Variants in RPL11 observed in about 807,000 individuals in gnomAD.
The protein encoded by RPL11 is ribosomal protein L11, also known as large ribosomal subunit protein uL5.
RPL11 carries 3 observed loss-of-function variants against 24.1 expected under a neutral mutation model. The observed-to-expected ratio is 0.12, with a 90% CI of 0.06 to 0.32. RPL11 has a LOEUF of 0.32. Among genes scored for constraint, RPL11 ranks in the 10% least tolerant of loss-of-function variants. The pLI is 1.00. For missense variants in RPL11, 146 were observed against 225.7 expected (o/e 0.65, Z 2.26); for synonymous variants, 96 against 75.7 (o/e 1.27, Z -1.39).
At chr1:23,692,421 G>C (rs912758205) in intron 1 of RPL11, 188 bp from the exon 2 acceptor site, 2 of 649,712 alleles carry the variant, frequency 3.1e-6, no homozygotes, top group Non-Finnish European at 5.3e-6. Flanking sequence ...CGTTCCGTTC[G>C]TGGAGGAAGG....
At chr1:23,691,890 C>G (rs1312062210) in intron 1 of RPL11, 61 bp downstream of exon 1, 9 of 1,611,236 alleles carry the variant, frequency 5.6e-6, no homozygotes, top group African/African-American at 2.7e-5. Context: ...GCAGGCCGAG[C>G]CTGCGGGGGC....
In RPL11 at chr1:23,694,695, A is replaced by C. The variant is rs372622822; in HGVS notation, c.300A>C (p.Ser100=). 6.2e-6 allele frequency: 10 copies of C among 1,614,012 alleles called. No individual in the cohort carries two copies. In the African/African-American group the frequency reaches 1.2e-4, roughly 19 times the overall value. The part of the protein sequence containing the change: ...REYELRKNNF[S]DTGNFGFGIQ... The stretch of plus-strand genomic sequence containing the variant: ...ATGAGTTAAGAAAAAACAACTTCTC[A>C]GATACTGGAAACTTTGGTTTTGGGA... Residue 100 remains serine (S), a synonymous_variant, in exon 4 of 6, where the codon TCA becomes TCC. Transcript: ENST00000643754.
chr1:23,695,930 T>C (rs1408014180), intron 5 of RPL11, 22 bp downstream of exon 5: 2 of 1,556,424 alleles, frequency 1.3e-6, no homozygotes, highest in Non-Finnish European at 1.7e-6. Flanking sequence ...TTATCTCAAG[T>C]GAAGTGGTGG....
At chr1:23,691,898 G>T (rs865980990) in intron 1 of RPL11, 69 bp downstream of exon 1, 1 of 1,603,564 alleles carries the variant, frequency 6.2e-7, no homozygotes. Flanking sequence ...AGCCTGCGGG[G>T]GCTACTTCGC....
At position 23,692,715 on chromosome 1, in the gene RPL11, A is replaced by G; in HGVS notation, c.113A>G (p.Lys38Arg). 6.2e-7 allele frequency: 1 copy of G among 1,614,044 alleles called. No homozygotes were observed. The highest frequency in any genetic ancestry group is 8.5e-7 in the Non-Finnish European group (1 of 1,180,022). The change falls in exon 2 of 6, where the codon AAG becomes AGG. Residue 38 changes from lysine (K) to arginine (R), a missense_variant. Physicochemically the swap from Lys to Arg is conservative, Grantham distance 26. Coordinates refer to ENST00000643754, the MANE Select transcript of RPL11 (RefSeq NM_000975.5). ...GGAGACAGACTGACGCGAGCAGCCA[A>G]GGTGTTGGAGCAGCTCACAGGGCAG... The part of the protein sequence containing the change: ...ESGDRLTRAA[K>R]VLEQLTGQTP...
At chr1:23,694,235 G>A (rs1003634392) in intron 3 of RPL11, among the ~76,000 whole-genome samples, 1 of 151,980 alleles carries the variant, frequency 6.6e-6, no homozygotes, top group East Asian at 1.9e-4. Flanking sequence ...AAAATTAGCC[G>A]GGCTTGGTGG....
At chr1:23,694,350 C>T (rs1192193217) in intron 3 of RPL11, among the ~76,000 whole-genome samples, 1 of 151,474 alleles carries the variant, frequency 6.6e-6, no homozygotes, top group Admixed American at 6.6e-5. Context: ...TGCACTCCAG[C>T]TTAGGCCACA....
rs1644535102 is a variant in RPL11 at position 23,696,735 on chromosome 1, G to T, written c.*362G>T. On this transcript the variant is annotated 3_prime_UTR_variant, in exon 6 of 6. Transcript: ENST00000643754. ...GTTCCAGGAGGCCCCCTGCTATTCA[G>T]TGATTCTGTTCTGTACTAGAAATTT... The T allele has an allele frequency of 5.2e-6, 2 of 382,100 alleles. No homozygotes were observed. Among genetic ancestry groups the T allele is most frequent in the Non-Finnish European group, 9.9e-6 (2 of 202,668 alleles). 23.7% of individuals were successfully genotyped at this position (382,100 alleles called of 1,614,324 possible).
chr1:23,694,008 T>C (rs772606691), intron 3 of RPL11, 95 bp downstream of exon 3: 44 of 934,358 alleles, frequency 4.7e-5, no homozygotes, highest in Non-Finnish European at 7.4e-5. Flanking sequence ...TTTGGTGTCT[T>C]GATATTTATT....
Position 23,691,994 on chromosome 1 carries a change from C to A in RPL11, c.6+165C>A. On this transcript the variant is annotated intron_variant, in intron 1 of 5. Transcript: ENST00000643754. ...CGAGCCAAGGACGCAGGGTTGAATT[C>A]TGTCACTTTCCCTGCCATCGTTTTA... 4.3e-6 allele frequency: 4 copies of A among 933,508 alleles called. No individual in the cohort carries two copies. The Admixed American group carries it at 5.9e-5, about 14-fold the overall frequency. 57.8% of individuals were successfully genotyped at this position (933,508 alleles called of 1,614,324 possible). A position where few individuals can be genotyped will look rare whatever the true frequency, so the allele number is the denominator to read the frequency against.
chr1:23,696,219 G>GA (rs1644532087), intron 5 of RPL11, 125 bp from the exon 6 acceptor site: 2 of 944,276 alleles, frequency 2.1e-6, no homozygotes, highest in Non-Finnish European at 3.4e-6. Flanking sequence ...ATTTAGTCCA[G>GA]AAAAGGATGG....
chr1:23,694,609 G>T, intron 3 of RPL11, 51 bp from the exon 4 acceptor site: 1 of 1,611,682 alleles, frequency 6.2e-7, no homozygotes, highest in Non-Finnish European at 8.5e-7. Context: ...CTTGGGGGTG[G>T]GAGGGAGTTG....
intron 2 of RPL11, among the ~76,000 whole-genome samples, chr1:23,693,581 G>A (rs1364510663): frequency 1.3e-5 from 2 of 152,212 alleles, no homozygotes; most frequent in African/African-American, 4.8e-5. Flanking sequence ...CGTTATGACT[G>A]TTCTTAACTG....
In RPL11 at chr1:23,692,089, G is replaced by A. The variant is rs965977844; in HGVS notation, c.6+260G>A. 2.0e-5 allele frequency: 12 copies of A among 590,160 alleles called. No individual in the cohort carries two copies. The South Asian group carries it at 2.2e-4, about 11-fold the overall frequency. The allele number at this position is 590,160 out of a possible 1,614,324, so 36.6% of individuals were successfully genotyped here. A position where few individuals can be genotyped will look rare whatever the true frequency, so the allele number is the denominator to read the frequency against. On this transcript the variant is annotated intron_variant, in intron 1 of 5. Coordinates refer to ENST00000643754, the MANE Select transcript of RPL11 (RefSeq NM_000975.5). ...AGGAGGCTGCAGCGGGGGCAGATGG[G>A]GTGAATGGAGGGTTCTGAGGCAGGG...
chr1:23,694,592 A>G (rs2124430843), intron 3 of RPL11, 68 bp from the exon 4 acceptor site: 2 of 1,608,160 alleles, frequency 1.2e-6, no homozygotes, highest in Non-Finnish European at 1.7e-6. Flanking sequence ...TGAGCTATTA[A>G]TAGTTACTTG....
Position 23,692,737 on chromosome 1 carries a change from G to T in RPL11, c.135G>T (p.Gly45=). Residue 45 remains glycine, a synonymous_variant, in exon 2 of 6, where the codon GGG becomes GGT. Coordinates refer to ENST00000643754, the MANE Select transcript of RPL11 (RefSeq NM_000975.5). ...CCAAGGTGTTGGAGCAGCTCACAGG[G>T]CAGACCCCTGTGTTTTCCAAAGGTG... The part of the protein sequence containing the change: ...RAAKVLEQLT[G]QTPVFSKARY... The T allele has an allele frequency of 1.2e-6, 2 of 1,613,892 alleles. No homozygotes were observed. The highest frequency in any genetic ancestry group is 1.7e-6 in the Non-Finnish European group (2 of 1,180,006).
At chr1:23,692,940 GA>G (rs1644510720) in intron 2 of RPL11, among the ~76,000 whole-genome samples, 181 bp downstream of exon 2, 4 of 151,168 alleles carry the variant, frequency 2.6e-5, no homozygotes, top group Non-Finnish European at 5.9e-5. Context: ...TGTGGGATTG[GA>G]ACACTAGATT....
intron 2 of RPL11, 45 bp from the exon 3 acceptor site, chr1:23,693,762 T>C: frequency 1.6e-6 from 2 of 1,289,938 alleles, no homozygotes; most frequent in East Asian, 2.3e-5. Flanking sequence ...GTGAGTGTAG[T>C]GGGGGTATGA....
intron 4 of RPL11, 39 bp from the exon 5 acceptor site, chr1:23,695,759 C>G (rs1301623933): frequency 1.3e-6 from 2 of 1,542,020 alleles, no homozygotes; most frequent in Non-Finnish European, 1.8e-6. Flanking sequence ...GCTCTTGACT[C>G]TGAGCTGGCT....
Sources: allele counts gnomAD v4.1 joint callset (sites outside exome capture counted in the v4.1 genomes callset), GRCh38; gene constraint gnomAD v4.1.1; transcripts MANE v1.5; gene names NCBI Gene and HGNC (gene_info 2026-07-23, HGNC 2026-07-21).